The following GIGYF2 variants were observed in gnomAD, a reference collection of about 807,000 sequenced individuals.
GIGYF2 encodes the protein GRB10-interacting GYF protein 2.
Under a neutral mutation model 208.1 loss-of-function variants are expected in GIGYF2, and 25 were observed. The observed-to-expected ratio is 0.12, with a 90% CI of 0.09 to 0.17. The LOEUF is 0.17. GIGYF2 is among the 10% of genes least tolerant of loss of function. GIGYF2 has a pLI of 1.00. For missense variants in GIGYF2, 1,302 were observed against 1,579.4 expected (o/e 0.82, Z 2.98); for synonymous variants, 534 against 543.8 (o/e 0.98, Z 0.25).
At chr2:232,848,419 A>C (rs950289934) in intron 27 of GIGYF2, among the ~76,000 whole-genome samples, 1 of 152,182 alleles carries the variant, frequency 6.6e-6, no homozygotes, top group African/African-American at 2.4e-5. Context: ...GTGGATCATG[A>C]GGTCAGGAGT....
chr2:232,822,115 C>G (rs1455705406), intron 21 of GIGYF2, among the ~76,000 whole-genome samples: 1 of 151,890 alleles, frequency 6.6e-6, no homozygotes, highest in Admixed American at 6.6e-5. Context: ...GATCTTTTGC[C>G]TTCCTATTAA....
At chr2:232,852,755 C>T (rs1019284843) in intron 28 of GIGYF2, among the ~76,000 whole-genome samples, 7 of 152,150 alleles carry the variant, frequency 4.6e-5, no homozygotes, top group African/African-American at 1.4e-4. Flanking sequence ...GATTTTAAAA[C>T]ATTCCTTAAA....
intron 20 of GIGYF2, among the ~76,000 whole-genome samples, chr2:232,819,500 A>G (rs1701013270): frequency 6.6e-6 from 1 of 152,224 alleles, no homozygotes; most frequent in African/African-American, 2.4e-5. Flanking sequence ...TAAAGATACC[A>G]GTGGAGAAAC....
At chr2:232,829,395 T>TA (rs1217995858) in intron 21 of GIGYF2, among the ~76,000 whole-genome samples, 1 of 152,192 alleles carries the variant, frequency 6.6e-6, no homozygotes, top group Non-Finnish European at 1.5e-5. Context: ...ATTTTTATAA[T>TA]AAAAAAATTG....
At chr2:232,790,211 G>T (rs1475541055) in intron 9 of GIGYF2, among the ~76,000 whole-genome samples, 1 of 152,108 alleles carries the variant, frequency 6.6e-6, no homozygotes, top group Non-Finnish European at 1.5e-5. Flanking sequence ...TAGTCATGAT[G>T]AGTTTGATAT....
intron 9 of GIGYF2, among the ~76,000 whole-genome samples, chr2:232,788,784 G>T (rs1699990199): frequency 6.6e-6 from 1 of 151,842 alleles, no homozygotes; most frequent in Admixed American, 6.6e-5. Context: ...ATCAACTTGT[G>T]TATCTTCCAG....
chr2:232,732,640 A>T lies in GIGYF2; in HGVS notation c.-43-2515A>T, dbSNP rs909969488. ...TTTCTTTTTTATTTTAATTTTTTTA[A>T]TTTTTTTTTTTTTTAATTGAGACAA... On this transcript the variant is annotated intron_variant, in intron 2 of 28. Transcript: ENST00000373563. Among the ~76,000 whole-genome samples, 265 of 144,522 alleles carry T rather than the reference A, an allele frequency of 1.8e-3. 1 individual carries two copies. The highest frequency in any genetic ancestry group is 2.6e-3 in the Non-Finnish European group (170 of 65,442). The allele number at this position is 144,522 out of a possible 152,430, so 94.8% of individuals were successfully genotyped here. A position where few individuals can be genotyped will look rare whatever the true frequency, so the allele number is the denominator to read the frequency against.
chr2:232,851,473 G>A (rs1426187574), intron 28 of GIGYF2, among the ~76,000 whole-genome samples: 1 of 151,034 alleles, frequency 6.6e-6, no homozygotes, highest in African/African-American at 2.4e-5. Flanking sequence ...AGGCTGGAGT[G>A]CAGTGGCGTG....
chr2:232,781,053 G>A (rs191944131), intron 8 of GIGYF2, among the ~76,000 whole-genome samples: 3,521 of 152,078 alleles, frequency 0.023, 146 homozygotes, highest in African/African-American at 0.08. Flanking sequence ...CACCTCCCGG[G>A]TTCAAGTGAT....
intron 3 of GIGYF2, among the ~76,000 whole-genome samples, chr2:232,742,930 G>C (rs1426950184): frequency 6.6e-6 from 1 of 152,162 alleles, no homozygotes; most frequent in Non-Finnish European, 1.5e-5. Context: ...ATGAAAGCCT[G>C]ACTATAGGAG....
Position 232,806,643 on chromosome 2 carries a change from C to T in GIGYF2, c.1792C>T (p.Pro598Ser). ...GRVPFSPGPA[P>S]PPHMGELDQE... Reference sequence around the variant, plus strand: ...GGTTCCCTTTTCTCCAGGTCCAGCTCCCCCTCCTCATATGGTAAGTACCTT... The same window carrying T: ...GGTTCCCTTTTCTCCAGGTCCAGCTTCCCCTCCTCATATGGTAAGTACCTT... Residue 598 changes from proline (P) to serine (S), a missense_variant, in exon 15 of 29, where the codon CCC becomes TCC. Transcript: ENST00000373563. The surrounding 1 kb of genome is among the most constrained non-coding windows in gnomAD (Gnocchi z 4.0). 6 of 1,610,878 alleles carry T rather than the reference C, an allele frequency of 3.7e-6. No individual in the cohort carries two copies. Among genetic ancestry groups the T allele is most frequent in the Non-Finnish European group, 5.1e-6 (6 of 1,177,090 alleles).
intron 27 of GIGYF2, among the ~76,000 whole-genome samples, chr2:232,849,771 A>G (rs1279847745): frequency 6.6e-6 from 1 of 152,186 alleles, no homozygotes; most frequent in African/African-American, 2.4e-5. Flanking sequence ...TACAGACAGT[A>G]TTTTTGGGCC....
intron 8 of GIGYF2, chr2:232,776,672 C>A: frequency 1.8e-6 from 1 of 556,978 alleles, no homozygotes; most frequent in Non-Finnish European, 3.2e-6. Context: ...TAGCTCTGAT[C>A]ATGTGGAAAA....
At chr2:232,805,973 A>G (rs891941075) in intron 14 of GIGYF2, among the ~76,000 whole-genome samples, 7 of 151,984 alleles carry the variant, frequency 4.6e-5, no homozygotes, top group Admixed American at 2.6e-4. Context: ...TGTATATAAA[A>G]TACTTGATTA....
chr2:232,797,698 A>G (rs979050750), intron 14 of GIGYF2, among the ~76,000 whole-genome samples: 18 of 152,120 alleles, frequency 1.2e-4, no homozygotes, highest in Admixed American at 1.2e-3. Context: ...GATTCAGAAC[A>G]TGGCTGATTG....
chr2:232,854,567 G>C (rs912868120), intron 28 of GIGYF2, among the ~76,000 whole-genome samples: 6 of 152,122 alleles, frequency 3.9e-5, no homozygotes, highest in African/African-American at 1.4e-4. Context: ...AAAAAGACTT[G>C]TGGGTTATTG....
intron 21 of GIGYF2, among the ~76,000 whole-genome samples, chr2:232,826,591 C>A (rs1195885650): frequency 6.6e-6 from 1 of 152,124 alleles, no homozygotes; most frequent in Non-Finnish European, 1.5e-5. Flanking sequence ...TCAGAGTGAA[C>A]AAGCATCCTA....
rs1182184474 is a variant in GIGYF2, at chr2:232,857,619, A to G, written c.*759A>G. 1 of 152,590 alleles carries G rather than the reference A, an allele frequency of 6.6e-6. No individual in the cohort carries two copies. The highest frequency in any genetic ancestry group is 1.5e-5 in the Non-Finnish European group (1 of 68,058). The allele number at this position is 152,590 out of a possible 1,614,324, so 9.5% of individuals were successfully genotyped here. ...CAAAGGAAGCTCTATGGCCTGGGAGAGAGACTATTCTTAATTTTTCTTTCT... is the reference window on the plus strand; with the variant it reads ...CAAAGGAAGCTCTATGGCCTGGGAGGGAGACTATTCTTAATTTTTCTTTCT... On this transcript the variant is annotated 3_prime_UTR_variant, in exon 29 of 29. Transcript: ENST00000373563.
At position 232,859,821 on chromosome 2, in the gene GIGYF2, AGAG is replaced by A. The variant is rs1436144259; in HGVS notation, c.*2965_*2967del. The A allele has an allele frequency of 1.1e-4, 16 of 152,336 alleles. No individual in the cohort carries two copies. The highest frequency in any genetic ancestry group is 3.8e-4 in the African/African-American group (16 of 41,574). 9.4% of individuals were successfully genotyped at this position (152,336 alleles called of 1,614,324 possible). ...GTGTCGTCTCCGGAATGGCAGCTTCAGAGGAGTTGAACTTAAGTGGTGATTGGC... is the reference window on the plus strand; with the variant it reads ...GTGTCGTCTCCGGAATGGCAGCTTCAGAGTTGAACTTAAGTGGTGATTGGC... On this transcript the variant is annotated 3_prime_UTR_variant, in exon 29 of 29. Transcript: ENST00000373563.
Sources: allele counts gnomAD v4.1 joint callset (sites outside exome capture counted in the v4.1 genomes callset), GRCh38; gene constraint gnomAD v4.1.1; non-coding constraint Gnocchi (gnomAD v3.1); transcripts MANE v1.5; gene names NCBI Gene and HGNC (gene_info 2026-07-23, HGNC 2026-07-21).